Variants in ANKDD1A observed in about 807,000 individuals in gnomAD.
The protein encoded by ANKDD1A is ankyrin repeat and death domain containing 1A, also known as ankyrin repeat and death domain-containing protein 1A.
A neutral mutation model predicts 63.5 loss-of-function variants in ANKDD1A; 59 were observed. The ratio of observed to expected loss-of-function variants is 0.93; its 90% CI spans 0.75 to 1.15. ANKDD1A has a LOEUF of 1.15. Ranked by LOEUF, ANKDD1A falls within the 50% of genes most tolerant of loss-of-function variation. The probability of loss-of-function intolerance (pLI) is 0.00; values close to 1 mark genes in which losing one functional copy is unlikely to be tolerated. For synonymous variants in ANKDD1A, 266 were observed against 263.9 expected, an observed-to-expected ratio of 1.01 and a Z score of -0.08; for missense variants, 632 against 656.4, an observed-to-expected ratio of 0.96 and a Z score of 0.41.
intron 9 of ANKDD1A, among the ~76,000 whole-genome samples, chr15:64,936,935 A>G (rs968749566): frequency 2.6e-5 from 4 of 152,212 alleles, no homozygotes; most frequent in African/African-American, 9.6e-5. Context: ...ATGAAGAGAC[A>G]TTTGGTAGAA....
intron 3 of ANKDD1A, among the ~76,000 whole-genome samples, chr15:64,917,883 TTCAA>T (rs1567109499): frequency 6.6e-6 from 1 of 152,218 alleles, no homozygotes; most frequent in Non-Finnish European, 1.5e-5. Context: ...TGGCTAACAC[TTCAA>T]TCAAAGTCTT....
chr15:64,923,137 C>A (rs1397486025), intron 4 of ANKDD1A, among the ~76,000 whole-genome samples: 1 of 152,132 alleles, frequency 6.6e-6, no homozygotes, highest in African/African-American at 2.4e-5. Flanking sequence ...ATCCCTAGAA[C>A]CTCTGAACCC....
chr15:64,953,866 T>G lies in ANKDD1A; in HGVS notation c.1484-3237T>G, dbSNP rs1263283168. 9.6e-3 allele frequency among the ~76,000 whole-genome samples: 232 copies of G among 24,104 alleles called. 2 individuals are homozygous for G. The East Asian group carries it at 0.19, about 19-fold the overall frequency. The allele number at this position is 24,104 out of a possible 152,430, so 15.8% of individuals were successfully genotyped here. A position where few individuals can be genotyped will look rare whatever the true frequency, so the allele number is the denominator to read the frequency against. ...CTTTTCTTCTTTCCTCTTCTTCCTCTTTCTTCTTCATTCTTTCTTCTTCCT... is the reference window on the plus strand; with the variant it reads ...CTTTTCTTCTTTCCTCTTCTTCCTCGTTCTTCTTCATTCTTTCTTCTTCCT... On this transcript the variant is annotated intron_variant, in intron 14 of 14. Transcript: ENST00000319580.
chr15:64,934,271 G>A, intron 9 of ANKDD1A, 37 bp downstream of exon 9: 3 of 1,578,612 alleles, frequency 1.9e-6, no homozygotes, highest in Non-Finnish European at 2.6e-6. Flanking sequence ...GGTCTCCATT[G>A]CAAAGCCTTC....
chr15:64,948,461 G>A (rs2085241132), intron 13 of ANKDD1A, among the ~76,000 whole-genome samples: 1 of 152,040 alleles, frequency 6.6e-6, no homozygotes, highest in Non-Finnish European at 1.5e-5. Flanking sequence ...AACATTCTGG[G>A]GGAAAACAAT....
chr15:64,955,222 G>A (rs2085407415), intron 14 of ANKDD1A, among the ~76,000 whole-genome samples: 2 of 151,852 alleles, frequency 1.3e-5, no homozygotes, highest in Non-Finnish European at 2.9e-5. Context: ...CCCAGCTAAT[G>A]TTTTGTATTT....
At chr15:64,929,531 A>G (rs1000030077) in intron 6 of ANKDD1A, among the ~76,000 whole-genome samples, 1 of 152,138 alleles carries the variant, frequency 6.6e-6, no homozygotes, top group African/African-American at 2.4e-5. Flanking sequence ...CTTCTGATAC[A>G]AAGTACGTTG....
chr15:64,951,720 C>CGTTCTTCCTTTCTTTTCTTTTTT (rs1276132353), intron 14 of ANKDD1A, among the ~76,000 whole-genome samples: 1 of 136,252 alleles, frequency 7.3e-6, no homozygotes, highest in Non-Finnish European at 1.6e-5. Flanking sequence ...TCTTTTTCTT[C>CGTTCTTCCTTTCTTTTCTTTTTT]CCTTTTCTTC....
rs549466028 is a variant in ANKDD1A, at chr15:64,920,625, C to T, written c.268-1296C>T. The stretch of plus-strand genomic sequence containing the variant: ...GGAGTGCAGTGGTGCAATTTTGGCT[C>T]ACCATAAGCTTTGCCTCCTGTGTTC... On this transcript the variant is annotated intron_variant, in intron 3 of 14. Coordinates refer to ENST00000319580, the MANE Select transcript of ANKDD1A (RefSeq NM_182703.6). 2.1e-3 allele frequency among the ~76,000 whole-genome samples: 314 copies of T among 152,128 alleles called. 1 individual carries two copies. Among genetic ancestry groups the T allele is most frequent in the Admixed American group, 4.5e-3 (69 of 15,268 alleles).
chr15:64,940,519 G>A (rs544174117), intron 9 of ANKDD1A, among the ~76,000 whole-genome samples: 63 of 151,476 alleles, frequency 4.2e-4, no homozygotes, highest in African/African-American at 1.5e-3. Flanking sequence ...TGCAAGCTCC[G>A]CCTTCCAGGT....
At chr15:64,917,708 C>A (rs1037267791) in intron 3 of ANKDD1A, among the ~76,000 whole-genome samples, 194 bp downstream of exon 3, 1 of 152,202 alleles carries the variant, frequency 6.6e-6, no homozygotes, top group African/African-American at 2.4e-5. Flanking sequence ...AAGAGCTCTC[C>A]ACTTTCAAGG....
In ANKDD1A at chr15:64,957,827, G is replaced by A. The variant is rs1284458441; in HGVS notation, c.*639G>A. 2.0e-5 allele frequency: 3 copies of A among 152,046 alleles called. No individual in the cohort carries two copies. Among genetic ancestry groups the A allele is most frequent in the Admixed American group, 2.0e-4 (3 of 15,250 alleles). The allele number at this position is 152,046 out of a possible 1,614,324, so 9.4% of individuals were successfully genotyped here. ...AGAATAATTATAATTAAAAAAACAC[G>A]ATACAGATCAGTGCATATAGTATAT... On this transcript the variant is annotated 3_prime_UTR_variant, in exon 15 of 15. Coordinates refer to ENST00000319580, the MANE Select transcript of ANKDD1A (RefSeq NM_182703.6).
chr15:64,949,909 G>A lies in ANKDD1A; in HGVS notation c.1420G>A (p.Gly474Ser). The change falls in exon 14 of 15, where the codon GGT (glycine) becomes AGT (serine). Residue 474 changes from glycine (G) to serine (S), a missense_variant. Physicochemically the swap from Gly to Ser is moderately conservative, Grantham distance 56. Transcript: ENST00000319580. ...TTGGCTGCATGGCGTGGCCACGGCT[G>A]GTGAGAACCCCAGCAAAGCGCTGTT... ...LIWLHGVATA[G>S]ENPSKALFEG... The A allele has an allele frequency of 1.2e-6, 2 of 1,608,472 alleles. No homozygotes were observed. The highest frequency in any genetic ancestry group is 1.7e-6 in the Non-Finnish European group (2 of 1,179,986).
rs961048679 is a variant in ANKDD1A, at chr15:64,917,269, AG to A, written c.139-116del. 3 of 1,334,756 alleles carry A rather than the reference AG, an allele frequency of 2.2e-6. No homozygotes were observed. In the African/African-American group the frequency reaches 4.4e-5, roughly 20 times the overall value. 82.7% of individuals were successfully genotyped at this position (1,334,756 alleles called of 1,614,324 possible). A position where few individuals can be genotyped will look rare whatever the true frequency, so the allele number is the denominator to read the frequency against. Reference sequence around the variant, plus strand: ...CTGGGTCCCCAGCTAGCTGGGGACCAGAGCCAGCAAAGACCCTTCCAGCCTG... The same window carrying A: ...CTGGGTCCCCAGCTAGCTGGGGACCAAGCCAGCAAAGACCCTTCCAGCCTG... On this transcript the variant is annotated intron_variant, in intron 2 of 14. Coordinates refer to ENST00000319580, the MANE Select transcript of ANKDD1A (RefSeq NM_182703.6).
intron 14 of ANKDD1A, among the ~76,000 whole-genome samples, chr15:64,955,255 G>A (rs1386485872): frequency 6.6e-6 from 1 of 152,036 alleles, no homozygotes; most frequent in Non-Finnish European, 1.5e-5. Context: ...GGGTTTCACT[G>A]TGTTAGCCAG....
At chr15:64,938,308 T>TG (rs913432702) in intron 9 of ANKDD1A, among the ~76,000 whole-genome samples, 8 of 152,164 alleles carry the variant, frequency 5.3e-5, no homozygotes, top group African/African-American at 1.9e-4. Flanking sequence ...AACCTTACTC[T>TG]GGGGAAATCT....
chr15:64,915,260 A>G (rs1237250043), intron 1 of ANKDD1A, among the ~76,000 whole-genome samples: 2 of 152,154 alleles, frequency 1.3e-5, no homozygotes, highest in East Asian at 1.9e-4. Flanking sequence ...AGACAAGATC[A>G]CGCCACTGCA....
chr15:64,951,764 T>C lies in ANKDD1A; in HGVS notation c.1483+1792T>C, dbSNP rs1214439757. Reference sequence around the variant, plus strand: ...TTCTTCCTCTTCTTCCTTCTTTCCTTTTCTTCTTCTTTCCTTTCTTCTTCC... The same window carrying C: ...TTCTTCCTCTTCTTCCTTCTTTCCTCTTCTTCTTCTTTCCTTTCTTCTTCC... On this transcript the variant is annotated intron_variant, in intron 14 of 14. Transcript: ENST00000319580. Among the ~76,000 whole-genome samples the C allele has an allele frequency of 7.1e-3, 800 of 112,952 alleles. 3 individuals carry two copies. The highest frequency in any genetic ancestry group is 0.012 in the Non-Finnish European group (617 of 51,326). 74.1% of individuals were successfully genotyped at this position (112,952 alleles called of 152,430 possible). A position where few individuals can be genotyped will look rare whatever the true frequency, so the allele number is the denominator to read the frequency against.
In ANKDD1A at chr15:64,958,053, T is replaced by C. The variant is rs2085435271; in HGVS notation, c.*865T>C. 6.6e-6 allele frequency: 1 copy of C among 152,128 alleles called. No homozygotes were observed. The highest frequency in any genetic ancestry group is 1.5e-5 in the Non-Finnish European group (1 of 68,018). The allele number at this position is 152,128 out of a possible 1,614,324, so 9.4% of individuals were successfully genotyped here. On this transcript the variant is annotated 3_prime_UTR_variant, in exon 15 of 15. Transcript: ENST00000319580. ...TTCTATACAGTTTTAACTTTTGAAA[T>C]GTGTGAGAGTGTTACTTACTGAAAA... is the stretch of plus-strand genomic sequence containing the variant.
Sources: allele counts gnomAD v4.1 joint callset (sites outside exome capture counted in the v4.1 genomes callset), GRCh38; gene constraint gnomAD v4.1.1; transcripts MANE v1.5; gene names NCBI Gene and HGNC (gene_info 2026-07-23, HGNC 2026-07-21).